The following MECOM variants were observed in gnomAD, a reference collection of about 807,000 sequenced individuals.
The protein encoded by MECOM is histone-lysine N-methyltransferase MECOM.
MECOM carries 13 observed loss-of-function variants against 116.3 expected under a neutral mutation model. The ratio of observed to expected loss-of-function variants is 0.11; its 90% CI spans 0.07 to 0.18. The LOEUF (loss-of-function observed/expected upper bound fraction) is 0.18. MECOM is among the 10% of genes least tolerant of loss of function. The pLI is 1.00. For missense variants in MECOM, 1,299 were observed against 1,509.0 expected (o/e 0.86, Z 2.31); for synonymous variants, 528 against 535.2 (o/e 0.99, Z 0.19).
chr3:169,091,598 C>T (rs917370917), intron 14 of MECOM, among the ~76,000 whole-genome samples: 1 of 151,996 alleles, frequency 6.6e-6, no homozygotes, highest in African/African-American at 2.4e-5. Flanking sequence ...TGATCATCTG[C>T]TTCCTCTCTC....
intron 1 of MECOM, among the ~76,000 whole-genome samples, chr3:169,475,764 G>A (rs967982093): frequency 1.3e-5 from 2 of 151,882 alleles, no homozygotes; most frequent in Non-Finnish European, 2.9e-5. Context: ...GGAGGAGGAG[G>A]GAAACCTCAA....
intron 1 of MECOM, among the ~76,000 whole-genome samples, chr3:169,600,687 T>C (rs1338459571): frequency 6.6e-6 from 1 of 152,242 alleles, no homozygotes; most frequent in South Asian, 2.1e-4. Context: ...TTAAAACATA[T>C]TGGGCTCATA....
chr3:169,425,801 A>G (rs1441253332), intron 1 of MECOM, among the ~76,000 whole-genome samples: 3 of 152,148 alleles, frequency 2.0e-5, no homozygotes, highest in African/African-American at 7.2e-5. Flanking sequence ...AATAAACACA[A>G]TGGAATTCAG....
In MECOM at chr3:169,272,694, G is replaced by T. The variant is rs530579251; in HGVS notation, c.375+108493C>A. Among the ~76,000 whole-genome samples the T allele has an allele frequency of 7.2e-5, 11 of 152,242 alleles. No homozygotes were observed. The East Asian group carries it at 2.1e-3, about 29-fold the overall frequency. ...ATAAGAATGTTAAGAAAGGGAGAAA[G>T]CAAATCATTTACACACCTGGCCGGC... On this transcript the variant is annotated intron_variant, in intron 2 of 16. Coordinates refer to ENST00000651503, the MANE Select transcript of MECOM (RefSeq NM_004991.4).
intron 1 of MECOM, among the ~76,000 whole-genome samples, chr3:169,571,426 T>C (rs960347299): frequency 1.3e-5 from 2 of 152,166 alleles, no homozygotes; most frequent in Admixed American, 1.3e-4. Context: ...CCAAAGTAAT[T>C]TATAGATTCA....
intron 1 of MECOM, among the ~76,000 whole-genome samples, chr3:169,452,345 A>G (rs1201407199): frequency 1.3e-5 from 2 of 152,200 alleles, no homozygotes; most frequent in East Asian, 3.8e-4. Flanking sequence ...ACATTTTAAA[A>G]ATTAAATAAG....
At chr3:169,234,636 C>A (rs1753811534) in intron 2 of MECOM, among the ~76,000 whole-genome samples, 1 of 152,114 alleles carries the variant, frequency 6.6e-6, no homozygotes, top group African/African-American at 2.4e-5. Flanking sequence ...GTGTGCAAAT[C>A]ATTTATTTGC....
chr3:169,083,707 C>A lies in MECOM; in HGVS notation c.*1202G>T, dbSNP rs1048604. The stretch of plus-strand genomic sequence containing the variant: ...ACTGAATACAGTCTGTTATTTACTT[C>A]TCTCTTTTAACATAAGGTTGGGAAC... On this transcript the variant is annotated 3_prime_UTR_variant, in exon 17 of 17. Transcript: ENST00000651503. 0.42 allele frequency: 85,890 copies of A among 204,344 alleles called. 21,170 individuals carry two copies. The highest frequency in any genetic ancestry group is 0.55 in the Non-Finnish European group (54,861 of 99,618). 12.7% of individuals were successfully genotyped at this position (204,344 alleles called of 1,614,324 possible). A position where few individuals can be genotyped will look rare whatever the true frequency, so the allele number is the denominator to read the frequency against.
Position 169,381,404 on chromosome 3 carries a change from C to T in MECOM, c.158G>A (p.Ser53Asn), listed in dbSNP as rs770881104. 2 of 1,613,776 alleles carry T rather than the reference C, an allele frequency of 1.2e-6. No individual in the cohort carries two copies. The highest frequency in any genetic ancestry group is 1.3e-5 in the African/African-American group (1 of 74,928). The change falls in exon 2 of 17, where the codon AGT becomes AAT. Residue 53 changes from serine to asparagine, a missense_variant. Coordinates refer to ENST00000651503, the MANE Select transcript of MECOM (RefSeq NM_004991.4). ...IQEPCSPATS[S>N]EAFTPKEGSP... is the part of the protein sequence containing the mutation. ...ACCCTCCTTTGGAGTGAATGCTTCACTGGATGTGGCAGGAGAGCATGGCTC... is the reference window on the plus strand; with the variant it reads ...ACCCTCCTTTGGAGTGAATGCTTCATTGGATGTGGCAGGAGAGCATGGCTC...
chr3:169,404,136 AC>A (rs1736292461), intron 1 of MECOM, among the ~76,000 whole-genome samples: 1 of 152,172 alleles, frequency 6.6e-6, no homozygotes, highest in Non-Finnish European at 1.5e-5. Context: ...ATAGAACTAG[AC>A]CCTATACTAA....
At chr3:169,535,769 G>A (rs530946759) in intron 1 of MECOM, among the ~76,000 whole-genome samples, 25 of 152,322 alleles carry the variant, frequency 1.6e-4, no homozygotes, top group African/African-American at 3.8e-4. Context: ...CTGATATGTC[G>A]TAGGCACTCA....
chr3:169,480,044 T>C (rs1751055570), intron 1 of MECOM, among the ~76,000 whole-genome samples: 1 of 152,210 alleles, frequency 6.6e-6, no homozygotes, highest in African/African-American at 2.4e-5. Flanking sequence ...AATGGACTTT[T>C]TTCTACATTG....
At chr3:169,588,038 G>A (rs1254048242) in intron 1 of MECOM, among the ~76,000 whole-genome samples, 1 of 152,058 alleles carries the variant, frequency 6.6e-6, no homozygotes, top group Non-Finnish European at 1.5e-5. Context: ...ATTGTCATCA[G>A]AAACCAGAAG....
At chr3:169,318,692 T>C (rs1486401992) in intron 2 of MECOM, among the ~76,000 whole-genome samples, 1 of 152,156 alleles carries the variant, frequency 6.6e-6, no homozygotes, top group Non-Finnish European at 1.5e-5. Context: ...AGTTCAACCA[T>C]TGTGGAAGAC....
intron 1 of MECOM, among the ~76,000 whole-genome samples, chr3:169,548,394 TAAAGA>T (rs1760980518): frequency 6.6e-6 from 1 of 152,150 alleles, no homozygotes; most frequent in Non-Finnish European, 1.5e-5. Context: ...ACTTGCAAAG[TAAAGA>T]AAAGCAGCAG....
intron 1 of MECOM, among the ~76,000 whole-genome samples, chr3:169,580,288 T>G (rs1157070708): frequency 6.6e-6 from 1 of 152,164 alleles, no homozygotes; most frequent in East Asian, 1.9e-4. Flanking sequence ...ATACGTTCTT[T>G]AGTGATGATT....
chr3:169,601,844 G>A (rs890797759), intron 1 of MECOM, among the ~76,000 whole-genome samples: 2 of 152,152 alleles, frequency 1.3e-5, no homozygotes, highest in African/African-American at 2.4e-5. Context: ...GTAGGTTAAA[G>A]GTTAAAAATA....
intron 2 of MECOM, among the ~76,000 whole-genome samples, chr3:169,196,933 C>A (rs986367129): frequency 6.6e-6 from 1 of 151,876 alleles, no homozygotes; most frequent in Admixed American, 6.6e-5. Flanking sequence ...CAACAGTGGA[C>A]TAGATAAAGA....
Position 169,381,500 on chromosome 3 carries a change from T to C in MECOM, c.62A>G (p.Tyr21Cys), listed in dbSNP as rs771991577. 2.5e-6 allele frequency: 4 copies of C among 1,610,796 alleles called. No individual in the cohort carries two copies. Among genetic ancestry groups the C allele is most frequent in the African/African-American group, 1.3e-5 (1 of 74,854 alleles). ...CATTTCTTCCAAAGGTATTTCAGGG[T>C]AGTTGCCATATACACACTCATTATC... ...ATNNECVYGN[Y>C]PEIPLEEMPD... The change falls in exon 2 of 17, where the codon TAC becomes TGC. Residue 21 changes from tyrosine (Y) to cysteine (C), a missense_variant. Transcript: ENST00000651503.
Sources: gnomAD v4.1 joint callset for allele counts (sites outside exome capture counted in the v4.1 genomes callset) on GRCh38, gnomAD v4.1.1 for gene constraint, MANE v1.5 for transcripts, NCBI Gene and HGNC (gene_info 2026-07-23, HGNC 2026-07-21) for gene names.